The following PRKCZ variants were observed in gnomAD, a reference collection of about 807,000 sequenced individuals.
PRKCZ encodes the protein protein kinase C zeta, also known as protein kinase C zeta type.
Under a neutral mutation model 79.5 loss-of-function variants are expected in PRKCZ, and 33 were observed. That is an observed-to-expected ratio of 0.41 (90% confidence interval 0.31 to 0.55). The LOEUF is 0.55. Among genes scored for constraint, PRKCZ ranks in the 20% least tolerant of loss-of-function variants. PRKCZ has a pLI of 0.19. For synonymous variants in PRKCZ, 342 were observed against 320.9 expected, an observed-to-expected ratio of 1.07 and a Z score of -0.70; for missense variants, 578 against 813.5, an observed-to-expected ratio of 0.71 and a Z score of 3.52.
chr1:2,109,438 G>C (rs1057444603), intron 4 of PRKCZ, among the ~76,000 whole-genome samples: 5 of 152,236 alleles, frequency 3.3e-5, no homozygotes, highest in Admixed American at 3.3e-4. Context: ...CACGATACCT[G>C]CTCCGTCCTC....
intron 4 of PRKCZ, among the ~76,000 whole-genome samples, chr1:2,108,540 G>A (rs116072379): frequency 0.033 from 4,974 of 152,336 alleles, 279 homozygotes; most frequent in African/African-American, 0.11. Context: ...GGTTGGCCTC[G>A]CGCGGCCATG....
At chr1:2,069,832 C>T (rs1446270493) in intron 4 of PRKCZ, among the ~76,000 whole-genome samples, 1 of 152,194 alleles carries the variant, frequency 6.6e-6, no homozygotes, top group Non-Finnish European at 1.5e-5. Flanking sequence ...GCTGCTGCTG[C>T]AATCCAGAGG....
rs569593580 is a variant in PRKCZ at position 2,151,046 on chromosome 1, T to C, written c.876+68T>C. 8 of 1,556,390 alleles carry C rather than the reference T, an allele frequency of 5.1e-6. No individual in the cohort carries two copies. The African/African-American group carries it at 6.9e-5, about 13-fold the overall frequency. On this transcript the variant is annotated intron_variant, in intron 9 of 17. Transcript: ENST00000378567. The stretch of plus-strand genomic sequence containing the variant: ...CTGCCCTGGGGCCTCCTCCGGGCTT[T>C]AGCGGAATTAATCCATGCACGAGAG...
At chr1:2,054,659 A>G (rs28377232) in intron 1 of PRKCZ, among the ~76,000 whole-genome samples, 6,162 of 151,824 alleles carry the variant, frequency 0.041, 473 homozygotes, top group East Asian at 0.35. Flanking sequence ...GCCTTTCATT[A>G]TGGAATTATT....
At chr1:2,103,392 G>A (rs1046573052) in intron 4 of PRKCZ, among the ~76,000 whole-genome samples, 2 of 152,208 alleles carry the variant, frequency 1.3e-5, no homozygotes, top group African/African-American at 2.4e-5. Context: ...TCAAGACACA[G>A]TTACACAGAG....
At position 2,146,014 on chromosome 1, in the gene PRKCZ, G is replaced by C. The variant is rs770597418; in HGVS notation, c.553-13G>C. 12 of 1,605,148 alleles carry C rather than the reference G, an allele frequency of 7.5e-6. No individual in the cohort carries two copies. Among genetic ancestry groups the C allele is most frequent in the Non-Finnish European group, 1.0e-5 (12 of 1,171,940 alleles). On this transcript the variant is annotated splice_polypyrimidine_tract_variant and intron_variant, in intron 6 of 17. Coordinates refer to ENST00000378567, the MANE Select transcript of PRKCZ (RefSeq NM_002744.6). Reference sequence around the variant, plus strand: ...CACTTGGTCATGCTGCCATCTCTGTGTCTCTCCGGCAGGATTCTGTCATGC... The same window carrying C: ...CACTTGGTCATGCTGCCATCTCTGTCTCTCTCCGGCAGGATTCTGTCATGC...
chr1:2,170,391 A>T (rs1684191153), intron 11 of PRKCZ, among the ~76,000 whole-genome samples: 1 of 152,186 alleles, frequency 6.6e-6, no homozygotes, highest in African/African-American at 2.4e-5. Context: ...AGAACGTTGC[A>T]TGCAGTTTTG....
chr1:2,052,429 C>T (rs575449463), intron 1 of PRKCZ, among the ~76,000 whole-genome samples: 4 of 148,760 alleles, frequency 2.7e-5, no homozygotes, highest in East Asian at 4.1e-4. Context: ...CCCACCCCTT[C>T]CTCTTCCTCC....
intron 2 of PRKCZ, 93 bp from the exon 3 acceptor site, chr1:2,056,391 C>T (rs1660162953): frequency 8.4e-7 from 1 of 1,196,032 alleles, no homozygotes; most frequent in Non-Finnish European, 1.2e-6. Flanking sequence ...TTGCCCCCCA[C>T]CAGACCCTTG....
chr1:2,144,031 C>A, intron 5 of PRKCZ, 179 bp from the exon 6 acceptor site: 1 of 832,154 alleles, frequency 1.2e-6, no homozygotes, highest in Non-Finnish European at 1.8e-6. Context: ...TGGGATAGAC[C>A]CAAGAGGAGG....
At position 2,067,562 on chromosome 1, in the gene PRKCZ, G is replaced by A. The variant is rs78755954; in HGVS notation, c.334+7971G>A. 0.03 allele frequency among the ~76,000 whole-genome samples: 4,544 copies of A among 152,226 alleles called. 522 individuals are homozygous for A. In the East Asian group the frequency reaches 0.39, roughly 13 times the overall value. ...AGTGGTGTTGGGGTGGAGTAATCGG[G>A]CGGTGGAGCTGGGGTCTGTGGGCTC... is the stretch of plus-strand genomic sequence containing the variant. On this transcript the variant is annotated intron_variant, in intron 4 of 17. Coordinates refer to ENST00000378567, the MANE Select transcript of PRKCZ (RefSeq NM_002744.6).
At chr1:2,115,421 A>G (rs1037155248) in intron 4 of PRKCZ, among the ~76,000 whole-genome samples, 1 of 152,242 alleles carries the variant, frequency 6.6e-6, no homozygotes, top group Non-Finnish European at 1.5e-5. Context: ...TGGCCGCACC[A>G]GGTCGCACTC....
rs765337884 is a variant in PRKCZ, at chr1:2,174,027, C to T, written c.1405+11C>T. ...ACTACCTTTTCCAAGGTGCGTGCCC[C>T]GCTGTGCGTTCGTACCCCTCACCTG... On this transcript the variant is annotated intron_variant, in intron 14 of 17. Transcript: ENST00000378567. This position sits in a 1 kb window ranked among gnomAD's most constrained non-coding sequence, Gnocchi z 6.2. 4.1e-5 allele frequency: 66 copies of T among 1,593,240 alleles called. No individual in the cohort carries two copies. Among genetic ancestry groups the T allele is most frequent in the Non-Finnish European group, 5.0e-5 (58 of 1,166,808 alleles).
intron 1 of PRKCZ, among the ~76,000 whole-genome samples, chr1:2,053,203 C>G (rs1209006001): frequency 6.6e-6 from 1 of 151,894 alleles, no homozygotes; most frequent in African/African-American, 2.4e-5. Context: ...GAGGTTCAAG[C>G]AATTCTCCTG....
At chr1:2,098,547 GTGAGGCTGGTGAGAGGGTGCCC>G (rs1666919472) in intron 4 of PRKCZ, 1 of 128,378 alleles carries the variant, frequency 7.8e-6, no homozygotes, top group Admixed American at 7.8e-5. Flanking sequence ...GGACCATGAT[GTGAGGCTGGTGAGAGGGTGCCC>G]TCTGCCGTCA....
At chr1:2,057,119 C>T (rs1029726825) in intron 3 of PRKCZ, among the ~76,000 whole-genome samples, 9 of 152,204 alleles carry the variant, frequency 5.9e-5, no homozygotes, top group South Asian at 2.1e-4. Flanking sequence ...GCGTAGGGCC[C>T]GCGGCGCATG....
chr1:2,093,792 T>A (rs1665932494), intron 4 of PRKCZ, among the ~76,000 whole-genome samples: 2 of 152,168 alleles, frequency 1.3e-5, no homozygotes, highest in Non-Finnish European at 2.9e-5. Flanking sequence ...GCCTCCTCCC[T>A]GCGGCCTGCC....
chr1:2,163,915 A>G (rs1341862250), intron 10 of PRKCZ, among the ~76,000 whole-genome samples: 1 of 152,028 alleles, frequency 6.6e-6, no homozygotes, highest in Non-Finnish European at 1.5e-5. Context: ...AAGAAAAAAA[A>G]AAGAAGAACA....
At chr1:2,058,340 C>T (rs1238501594) in intron 3 of PRKCZ, among the ~76,000 whole-genome samples, 3 of 139,982 alleles carry the variant, frequency 2.1e-5, no homozygotes, top group African/African-American at 8.3e-5. Flanking sequence ...GATATTCAGA[C>T]GTGGTGGTGC....
Sources: gnomAD v4.1 joint callset for allele counts (sites outside exome capture counted in the v4.1 genomes callset) on GRCh38, gnomAD v4.1.1 for gene constraint, Gnocchi (gnomAD v3.1) non-coding constraint, MANE v1.5 for transcripts, NCBI Gene and HGNC (gene_info 2026-07-23, HGNC 2026-07-21) for gene names.